CSGALNACT2: variants seen among roughly 807,000 people sequenced by gnomAD.
The protein encoded by CSGALNACT2 is beta 4 GalNAcT-2.
A neutral mutation model predicts 55.3 loss-of-function variants in CSGALNACT2; 35 were observed. The observed-to-expected ratio is 0.63, with a 90% CI of 0.48 to 0.84. CSGALNACT2 has a LOEUF of 0.84. Ranked by LOEUF, CSGALNACT2 falls within the 40% of genes least tolerant of loss-of-function variation. CSGALNACT2 has a pLI of 0.00. For missense variants in CSGALNACT2, 544 were observed against 657.5 expected, an observed-to-expected ratio of 0.83 and a Z score of 1.89; for synonymous variants, 196 against 224.9, an observed-to-expected ratio of 0.87 and a Z score of 1.15.
At chr10:43,156,997 C>T (rs2435354) in intron 2 of CSGALNACT2, among the ~76,000 whole-genome samples, 127,817 of 152,270 alleles carry the variant, frequency 0.84, 54,304 homozygotes, top group African/African-American at 0.95. Flanking sequence ...CACTGAGGCC[C>T]TTGGAGGCCA....
intron 6 of CSGALNACT2, among the ~76,000 whole-genome samples, chr10:43,172,073 C>CT (rs1425621782): frequency 6.6e-6 from 1 of 152,208 alleles, no homozygotes; most frequent in African/African-American, 2.4e-5. Flanking sequence ...GGCCAGTTCT[C>CT]TGAGTCGAGT....
At chr10:43,176,407 A>G (rs2133152329) in intron 7 of CSGALNACT2, among the ~76,000 whole-genome samples, 1 of 151,954 alleles carries the variant, frequency 6.6e-6, no homozygotes, top group South Asian at 2.1e-4. Context: ...TATCTAGACC[A>G]AGGACTTTCA....
rs774463492 is a variant in CSGALNACT2 at position 43,160,495 on chromosome 10, G to A, written c.880G>A (p.Asp294Asn). Residue 294 changes from aspartate to asparagine, a missense_variant and splice_region_variant, in exon 4 of 8, where the codon GAT becomes AAT. Coordinates refer to ENST00000374466, the MANE Select transcript of CSGALNACT2 (RefSeq NM_018590.5). ...AFVQFMQNFR[D>N]VCIHQDKKIH... ...ACTTTTATTTTTCACTTCTGTTAGG[G>A]ATGTTTGTATTCATCAAGACAAGAA... 1 of 1,487,480 alleles carries A rather than the reference G, an allele frequency of 6.7e-7. No individual in the cohort carries two copies. The highest frequency in any genetic ancestry group is 1.2e-5 in the South Asian group (1 of 85,878). 92.1% of individuals were successfully genotyped at this position (1,487,480 alleles called of 1,614,324 possible).
intron 6 of CSGALNACT2, among the ~76,000 whole-genome samples, chr10:43,173,320 G>A (rs185553304): frequency 1.3e-5 from 2 of 152,308 alleles, no homozygotes; most frequent in Non-Finnish European, 2.9e-5. Flanking sequence ...AGACATCCAA[G>A]GGGAGGTGCC....
chr10:43,172,120 A>G (rs1312354061), intron 6 of CSGALNACT2, among the ~76,000 whole-genome samples: 1 of 152,094 alleles, frequency 6.6e-6, no homozygotes, highest in East Asian at 1.9e-4. Flanking sequence ...AGTAATTTCC[A>G]CCCCCAACAG....
intron 1 of CSGALNACT2, among the ~76,000 whole-genome samples, chr10:43,139,143 T>C (rs1677560481): frequency 6.6e-6 from 1 of 152,246 alleles, no homozygotes; most frequent in Admixed American, 6.5e-5. Flanking sequence ...GTCCTTGGCT[T>C]GTTAAACTTG....
chr10:43,160,056 T>C (rs1480746160), intron 3 of CSGALNACT2, among the ~76,000 whole-genome samples: 1 of 152,250 alleles, frequency 6.6e-6, no homozygotes. Flanking sequence ...AAGGCCACAT[T>C]ATTATTTACA....
intron 4 of CSGALNACT2, 177 bp from the exon 5 acceptor site, chr10:43,163,689 A>C: frequency 5.1e-6 from 5 of 985,412 alleles, no homozygotes; most frequent in African/African-American, 1.7e-5. Flanking sequence ...TTTGGTGAAT[A>C]TCTCTCCCTG....
intron 6 of CSGALNACT2, among the ~76,000 whole-genome samples, chr10:43,171,006 A>G (rs1839371411): frequency 6.6e-6 from 1 of 152,216 alleles, no homozygotes; most frequent in African/African-American, 2.4e-5. Context: ...AGACATGACA[A>G]CCAAATGCAA....
intron 1 of CSGALNACT2, among the ~76,000 whole-genome samples, chr10:43,139,694 C>A (rs1838575662): frequency 6.6e-6 from 1 of 152,204 alleles, no homozygotes. Flanking sequence ...ATTCTAACTT[C>A]TCTTATCTGC....
chr10:43,161,561 G>A (rs1839149665), intron 4 of CSGALNACT2, among the ~76,000 whole-genome samples: 1 of 152,198 alleles, frequency 6.6e-6, no homozygotes, highest in Non-Finnish European at 1.5e-5. Context: ...GACTGGGGTA[G>A]TTGGAAGAAG....
rs555541808 is a variant in CSGALNACT2, at chr10:43,163,104, CTTTGAGAATAATTAT to C, written c.981-756_981-742del. On this transcript the variant is annotated intron_variant, in intron 4 of 7. Coordinates refer to ENST00000374466, the MANE Select transcript of CSGALNACT2 (RefSeq NM_018590.5). The stretch of plus-strand genomic sequence containing the variant: ...GCTTTCTACATTCTTACCTCTTTGC[CTTTGAGAATAATTAT>C]TTTGAATGACCTTTACACTCACCAC... The C allele has an allele frequency of 6.6e-5, 65 of 985,314 alleles. No homozygotes were observed. In the African/African-American group the frequency reaches 1.1e-3, roughly 16 times the overall value. 61.0% of individuals were successfully genotyped at this position (985,314 alleles called of 1,614,324 possible). A position where few individuals can be genotyped will look rare whatever the true frequency, so the allele number is the denominator to read the frequency against.
intron 6 of CSGALNACT2, among the ~76,000 whole-genome samples, chr10:43,172,913 T>G (rs1382665647): frequency 6.6e-6 from 1 of 152,114 alleles, no homozygotes; most frequent in African/African-American, 2.4e-5. Flanking sequence ...TGGGGGATAG[T>G]GGTTTCAGGC....
intron 1 of CSGALNACT2, among the ~76,000 whole-genome samples, chr10:43,140,951 T>G (rs1171691691): frequency 6.6e-6 from 1 of 152,192 alleles, no homozygotes; most frequent in African/African-American, 2.4e-5. Flanking sequence ...ACTGAAGCAG[T>G]GGAGCTAATG....
At chr10:43,183,020 C>A (rs1218660274) in intron 7 of CSGALNACT2, among the ~76,000 whole-genome samples, 17 of 151,866 alleles carry the variant, frequency 1.1e-4, no homozygotes, top group Non-Finnish European at 2.5e-4. Context: ...AAATATTTAA[C>A]CCCATTTTGA....
intron 1 of CSGALNACT2, among the ~76,000 whole-genome samples, chr10:43,152,249 A>G (rs1297545022): frequency 2.0e-5 from 3 of 152,224 alleles, no homozygotes; most frequent in Non-Finnish European, 2.9e-5. Context: ...TAGAATGATG[A>G]CAATCAAGAT....
chr10:43,151,183 T>A (rs1838866488), intron 1 of CSGALNACT2, among the ~76,000 whole-genome samples: 1 of 152,234 alleles, frequency 6.6e-6, no homozygotes, highest in African/African-American at 2.4e-5. Flanking sequence ...TGGTCAGTTT[T>A]AATTGTTGAT....
chr10:43,178,971 C>T (rs1343176367), intron 7 of CSGALNACT2, among the ~76,000 whole-genome samples: 4 of 152,060 alleles, frequency 2.6e-5, no homozygotes, highest in Non-Finnish European at 4.4e-5. Context: ...TCCAAGTTCT[C>T]TGATTGTTTT....
At position 43,170,410 on chromosome 10, in the gene CSGALNACT2, T is replaced by G. The variant is rs138538597; in HGVS notation, c.1254+3312T>G. Among the ~76,000 whole-genome samples the G allele has an allele frequency of 1.3e-3, 205 of 152,138 alleles. 1 individual carries two copies. Among genetic ancestry groups the G allele is most frequent in the African/African-American group, 4.7e-3 (196 of 41,518 alleles). On this transcript the variant is annotated intron_variant, in intron 6 of 7. Coordinates refer to ENST00000374466, the MANE Select transcript of CSGALNACT2 (RefSeq NM_018590.5). ...ACAGTGCCAGAAAGTAAGAAAGCAC[T>G]CAATAAAAAGATAGGGGGAATATGT...
Sources: gnomAD v4.1 joint callset for allele counts (sites outside exome capture counted in the v4.1 genomes callset) on GRCh38, gnomAD v4.1.1 for gene constraint, MANE v1.5 for transcripts, NCBI Gene and HGNC (gene_info 2026-07-23, HGNC 2026-07-21) for gene names.